Variants in GADL1 observed in about 807,000 individuals in gnomAD.
The protein encoded by GADL1 is GAD like acidic amino acid decarboxylase 1, also known as acidic amino acid decarboxylase GADL1.
In GADL1, 71 loss-of-function variants were observed where a neutral mutation model predicts 69.5. That is an observed-to-expected ratio of 1.02 (90% CI 0.84 to 1.25). The LOEUF (loss-of-function observed/expected upper bound fraction) is 1.25. Ranked by LOEUF, GADL1 falls within the 50% of genes most tolerant of loss-of-function variation. The probability of loss-of-function intolerance (pLI) is 0.00; values close to 1 mark genes in which losing one functional copy is unlikely to be tolerated. For missense variants in GADL1, 737 were observed against 631.8 expected, an observed-to-expected ratio of 1.17 and a Z score of -1.79; for synonymous variants, 254 against 214.4, an observed-to-expected ratio of 1.18 and a Z score of -1.62.
intron 4 of GADL1, among the ~76,000 whole-genome samples, chr3:30,852,803 C>A (rs1698170604): frequency 6.6e-6 from 1 of 151,986 alleles, no homozygotes; most frequent in South Asian, 2.1e-4. Flanking sequence ...CTCCTTTAAT[C>A]TGAAATATTT....
intron 14 of GADL1, among the ~76,000 whole-genome samples, chr3:30,775,925 AAT>A (rs1696526224): frequency 6.6e-6 from 1 of 152,120 alleles, no homozygotes; most frequent in Non-Finnish European, 1.5e-5. Context: ...TCTCGACAAA[AAT>A]ACAAAAATTC....
chr3:30,894,595 C>T lies in GADL1; in HGVS notation c.20G>A (p.Arg7His), dbSNP rs764418843. 6 of 1,550,934 alleles carry T rather than the reference C, an allele frequency of 3.9e-6. No homozygotes were observed. Among genetic ancestry groups the T allele is most frequent in the Non-Finnish European group, 5.2e-6 (6 of 1,146,610 alleles). Residue 7 changes from arginine (R) to histidine (H), a missense_variant, in exon 1 of 15, where the codon CGC (arginine) becomes CAC (histidine). Coordinates refer to ENST00000282538, the MANE Select transcript of GADL1 (RefSeq NM_207359.3). ...GTCGTTACCGTCCACAGGACACTGG[C>T]GGTCCGAGTCGCTGCTCATCTCCGC... MSSDSDRQCPVDGDIDQ... is the reference protein window; with the variant it reads MSSDSDHQCPVDGDIDQ...
chr3:30,827,884 T>C (rs980379963), intron 11 of GADL1, among the ~76,000 whole-genome samples: 1 of 151,880 alleles, frequency 6.6e-6, no homozygotes, highest in African/African-American at 2.4e-5. Context: ...AAGAGATTGA[T>C]CTCTCTCCTA....
intron 14 of GADL1, among the ~76,000 whole-genome samples, chr3:30,759,488 C>CT (rs1212649191): frequency 1.3e-5 from 2 of 152,138 alleles, no homozygotes; most frequent in Non-Finnish European, 2.9e-5. Flanking sequence ...TCATTTTCAC[C>CT]TTTGATATTT....
chr3:30,829,705 T>C (rs745759429), intron 11 of GADL1, among the ~76,000 whole-genome samples: 6 of 151,936 alleles, frequency 3.9e-5, no homozygotes, highest in Non-Finnish European at 8.8e-5. Flanking sequence ...TAATCAACCA[T>C]TCAGTTTTTA....
At chr3:30,846,405 A>G (rs1325780438) in intron 6 of GADL1, among the ~76,000 whole-genome samples, 1 of 152,186 alleles carries the variant, frequency 6.6e-6, no homozygotes, top group African/African-American at 2.4e-5. Context: ...CTGGAGTTTT[A>G]CTTTCTGGCT....
intron 11 of GADL1, among the ~76,000 whole-genome samples, chr3:30,828,363 T>G (rs1697718446): frequency 6.6e-6 from 1 of 151,680 alleles, no homozygotes; most frequent in African/African-American, 2.4e-5. Context: ...GAAATGACAT[T>G]AGTCTCCTTT....
intron 11 of GADL1, among the ~76,000 whole-genome samples, chr3:30,821,325 A>G (rs1697575866): frequency 6.6e-6 from 1 of 150,392 alleles, no homozygotes; most frequent in African/African-American, 2.5e-5. Flanking sequence ...AACTTAAAGT[A>G]TAATAATAAT....
chr3:30,839,508 T>C (rs1486352067), intron 8 of GADL1, among the ~76,000 whole-genome samples: 1 of 46,614 alleles, frequency 2.1e-5, no homozygotes, highest in East Asian at 1.4e-3. Flanking sequence ...ATCATTGTCA[T>C]CTTCTCAAAA....
At chr3:30,795,810 C>T (rs1482561487) in intron 12 of GADL1, among the ~76,000 whole-genome samples, 1 of 152,034 alleles carries the variant, frequency 6.6e-6, no homozygotes, top group Non-Finnish European at 1.5e-5. Flanking sequence ...TAGACTTTTG[C>T]CCACCCCAGG....
intron 14 of GADL1, among the ~76,000 whole-genome samples, chr3:30,739,723 C>T (rs991277158): frequency 3.3e-5 from 5 of 152,074 alleles, no homozygotes; most frequent in Non-Finnish European, 5.9e-5. Flanking sequence ...TTACTTCTGT[C>T]GCTGAATCAA....
At chr3:30,889,018 CAG>C (rs1003791676) in intron 1 of GADL1, among the ~76,000 whole-genome samples, 30 of 121,024 alleles carry the variant, frequency 2.5e-4, no homozygotes, top group African/African-American at 8.0e-4. Flanking sequence ...AATTTAAAAA[CAG>C]AGAAAAGTTG....
intron 11 of GADL1, among the ~76,000 whole-genome samples, chr3:30,821,062 C>CTT (rs2125517558): frequency 6.6e-6 from 1 of 152,142 alleles, no homozygotes; most frequent in Non-Finnish European, 1.5e-5. Flanking sequence ...TCTCAGTAAA[C>CTT]TTATCGTAAA....
chr3:30,839,000 T>C lies in GADL1; in HGVS notation c.900A>G (p.Val300=). Residue 300 remains valine, a synonymous_variant, in exon 9 of 15, where the codon GTA becomes GTG. Coordinates refer to ENST00000282538, the MANE Select transcript of GADL1 (RefSeq NM_207359.3). ...ATGTACACATAAATGAACTTACATCTACATGAAGCCAGAGGCTGTGCCTCT... is the reference window on the plus strand; with the variant it reads ...ATGTACACATAAATGAACTTACATCCACATGAAGCCAGAGGCTGTGCCTCT... ...ICERHSLWLH[V]DASWGGSALM... is the part of the protein sequence containing the mutation. 6.4e-7 allele frequency: 1 copy of C among 1,574,598 alleles called. No individual in the cohort carries two copies. Among genetic ancestry groups the C allele is most frequent in the South Asian group, 1.2e-5 (1 of 86,644 alleles).
intron 14 of GADL1, among the ~76,000 whole-genome samples, chr3:30,769,026 A>G (rs1278624940): frequency 2.0e-5 from 3 of 152,164 alleles, no homozygotes; most frequent in Admixed American, 1.3e-4. Context: ...TCAAGTCCAG[A>G]GCATTTTCCT....
At position 30,828,123 on chromosome 3, in the gene GADL1, A is replaced by G. The variant is rs1228340248; in HGVS notation, c.1050+5730T>C. 2.0e-5 allele frequency among the ~76,000 whole-genome samples: 3 copies of G among 151,908 alleles called. No individual in the cohort carries two copies. In the South Asian group the frequency reaches 6.2e-4, roughly 31 times the overall value. ...CTCTATGAAGAAAAGCAAGAGCTAG[A>G]AAAGAAATCCCCACAAAAGCAGATT... On this transcript the variant is annotated intron_variant, in intron 11 of 14. Coordinates refer to ENST00000282538, the MANE Select transcript of GADL1 (RefSeq NM_207359.3).
At chr3:30,859,533 G>A (rs1698283173) in intron 2 of GADL1, among the ~76,000 whole-genome samples, 1 of 151,598 alleles carries the variant, frequency 6.6e-6, no homozygotes, top group Non-Finnish European at 1.5e-5. Flanking sequence ...ATTAGAGAGG[G>A]GCACAGAATA....
chr3:30,796,524 C>A (rs1396494731), intron 12 of GADL1, among the ~76,000 whole-genome samples: 1 of 152,180 alleles, frequency 6.6e-6, no homozygotes, highest in East Asian at 1.9e-4. Context: ...TGGATATTTA[C>A]TTCACTCTCA....
intron 11 of GADL1, among the ~76,000 whole-genome samples, chr3:30,828,617 G>A (rs1697731328): frequency 6.6e-6 from 1 of 151,758 alleles, no homozygotes; most frequent in South Asian, 2.1e-4. Flanking sequence ...TCAATACACT[G>A]AGCCAAAGAT....
Sources: gnomAD v4.1 joint callset for allele counts (sites outside exome capture counted in the v4.1 genomes callset) on GRCh38, gnomAD v4.1.1 for gene constraint, MANE v1.5 for transcripts, NCBI Gene and HGNC (gene_info 2026-07-23, HGNC 2026-07-21) for gene names.